CEP128: variants seen among roughly 807,000 people sequenced by gnomAD.
CEP128 encodes centrosomal protein 128kDa.
Under a neutral mutation model 156.7 loss-of-function variants are expected in CEP128, and 132 were observed. The ratio of observed to expected loss-of-function variants is 0.84; its 90% CI spans 0.73 to 0.97. The LOEUF (loss-of-function observed/expected upper bound fraction) is 0.97. Ranked by LOEUF, CEP128 falls within the 50% of genes least tolerant of loss-of-function variation. CEP128 has a pLI of 0.00. For missense variants in CEP128, 1,252 were observed against 1,281.9 expected (o/e 0.98, Z 0.36); for synonymous variants, 469 against 448.9 (o/e 1.04, Z -0.57).
At chr14:80,819,006 TCTCA>T (rs1329982632) in intron 13 of CEP128, among the ~76,000 whole-genome samples, 2 of 152,134 alleles carry the variant, frequency 1.3e-5, no homozygotes, top group Non-Finnish European at 2.9e-5. Flanking sequence ...TAATTTCAAG[TCTCA>T]CTATGATTAT....
intron 15 of CEP128, among the ~76,000 whole-genome samples, chr14:80,780,328 CAATTT>C (rs1901037812): frequency 6.6e-6 from 1 of 152,038 alleles, no homozygotes; most frequent in Non-Finnish European, 1.5e-5. Context: ...GCTCTCAACT[CAATTT>C]AATTAATATA....
At chr14:80,862,674 G>T in intron 9 of CEP128, 83 bp downstream of exon 9, 1 of 893,820 alleles carries the variant, frequency 1.1e-6, no homozygotes. Flanking sequence ...GAATTATACT[G>T]TCACATGCAA....
At position 80,831,206 on chromosome 14, in the gene CEP128, C is replaced by T. The variant is rs1885774821; in HGVS notation, c.1146G>A (p.Glu382=). 1.9e-6 allele frequency: 3 copies of T among 1,613,908 alleles called. No homozygotes were observed. The highest frequency in any genetic ancestry group is 2.2e-5 in the East Asian group (1 of 44,878). The change falls in exon 13 of 25, where the codon GAG becomes GAA. Residue 382 remains glutamate, a synonymous_variant. Coordinates refer to ENST00000555265, the MANE Select transcript of CEP128 (RefSeq NM_152446.5). ...LNFSAMASEL[E]EVKRCMERKD... ...TTCTCTCCATGCACCGTTTCACTTC[C>T]TCTAACTCAGATGCCATTGCGCTGA... is the stretch of plus-strand genomic sequence containing the variant.
chr14:80,812,936 T>C (rs1286487112), intron 13 of CEP128, among the ~76,000 whole-genome samples: 1 of 152,188 alleles, frequency 6.6e-6, no homozygotes, highest in Non-Finnish European at 1.5e-5. Context: ...TGGTATCTCC[T>C]TGTGTGTTTG....
rs576716147 is a variant in CEP128 at position 80,681,135 on chromosome 14, T to C, written c.2806+61940A>G. On this transcript the variant is annotated intron_variant, in intron 19 of 24. Coordinates refer to ENST00000555265, the MANE Select transcript of CEP128 (RefSeq NM_152446.5). ...CTGCCAAAAGAAGTACACGGTACTA[T>C]AAAAGCAAAGCCAAGAGACCCTACC... Among the ~76,000 whole-genome samples, 27 of 151,836 alleles carry C rather than the reference T, an allele frequency of 1.8e-4. No homozygotes were observed. In the South Asian group the frequency reaches 5.6e-3, roughly 32 times the overall value.
At chr14:80,806,643 G>A (rs1595431755) in intron 13 of CEP128, among the ~76,000 whole-genome samples, 1 of 152,114 alleles carries the variant, frequency 6.6e-6, no homozygotes, top group Non-Finnish European at 1.5e-5. Flanking sequence ...AAGTAGATTG[G>A]TATTTGAGAC....
chr14:80,799,861 T>A (rs1298368667), intron 13 of CEP128, among the ~76,000 whole-genome samples: 1 of 152,192 alleles, frequency 6.6e-6, no homozygotes, highest in Non-Finnish European at 1.5e-5. Context: ...AGTGCACCGC[T>A]GAACATAGAC....
At chr14:80,591,264 T>C (rs545005826) in intron 19 of CEP128, among the ~76,000 whole-genome samples, 1 of 151,424 alleles carries the variant, frequency 6.6e-6, no homozygotes, top group South Asian at 2.1e-4. Flanking sequence ...AGGAGACCCA[T>C]CTCACGTACA....
At chr14:80,651,039 AC>A (rs1357295597) in intron 19 of CEP128, among the ~76,000 whole-genome samples, 2 of 152,018 alleles carry the variant, frequency 1.3e-5, no homozygotes, top group Non-Finnish European at 2.9e-5. Context: ...CTGTGAATCC[AC>A]CTGGTCCTGG....
At position 80,721,453 on chromosome 14, in the gene CEP128, C is replaced by T. The variant is rs553522680; in HGVS notation, c.2806+21622G>A. Among the ~76,000 whole-genome samples, 6 of 152,088 alleles carry T rather than the reference C, an allele frequency of 3.9e-5. No homozygotes were observed. In the South Asian group the frequency reaches 1.0e-3, roughly 26 times the overall value. ...TGTGCTCTAAGGGTAAAATACATGC[C>T]GGATTTTGGCATCTCAGTTGAAAAA... On this transcript the variant is annotated intron_variant, in intron 19 of 24. Coordinates refer to ENST00000555265, the MANE Select transcript of CEP128 (RefSeq NM_152446.5).
intron 19 of CEP128, among the ~76,000 whole-genome samples, chr14:80,622,993 T>G (rs1343978408): frequency 1.3e-5 from 2 of 152,088 alleles, no homozygotes; most frequent in African/African-American, 4.8e-5. Flanking sequence ...CATGCTGCTA[T>G]AAAGACACAT....
At chr14:80,564,856 TGAGAC>T (rs1890844464) in intron 20 of CEP128, among the ~76,000 whole-genome samples, 1 of 152,058 alleles carries the variant, frequency 6.6e-6, no homozygotes, top group Non-Finnish European at 1.5e-5. Context: ...ATCAGGAGTC[TGAGAC>T]GAGCCTGGCT....
intron 19 of CEP128, among the ~76,000 whole-genome samples, chr14:80,730,513 G>A (rs1898225861): frequency 6.6e-6 from 1 of 152,190 alleles, no homozygotes; most frequent in Admixed American, 6.5e-5. Context: ...CAGGGAAAAG[G>A]AGGAAGAAAC....
At chr14:80,880,717 G>A (rs1208342451) in intron 8 of CEP128, among the ~76,000 whole-genome samples, 1 of 150,022 alleles carries the variant, frequency 6.7e-6, no homozygotes, top group Non-Finnish European at 1.5e-5. Context: ...CAAAAAATTA[G>A]CCGGGCATGG....
intron 15 of CEP128, among the ~76,000 whole-genome samples, chr14:80,780,409 ATTGT>A (rs1686133349): frequency 6.6e-6 from 1 of 152,124 alleles, no homozygotes; most frequent in South Asian, 2.1e-4. Flanking sequence ...TTAAGGGTAA[ATTGT>A]TTGGTTTCAC....
At chr14:80,600,131 G>GTA (rs910127325) in intron 19 of CEP128, among the ~76,000 whole-genome samples, 1 of 152,082 alleles carries the variant, frequency 6.6e-6, no homozygotes, top group Non-Finnish European at 1.5e-5. Context: ...ACACCTTGAA[G>GTA]TATACCAACA....
intron 24 of CEP128, among the ~76,000 whole-genome samples, chr14:80,499,288 C>T (rs1887631103): frequency 6.6e-6 from 1 of 152,160 alleles, no homozygotes; most frequent in South Asian, 2.1e-4. Context: ...GCTATTCTTG[C>T]TGTGGATAAA....
chr14:80,735,182 T>A (rs1050601125), intron 19 of CEP128, among the ~76,000 whole-genome samples: 1 of 152,098 alleles, frequency 6.6e-6, no homozygotes, highest in Non-Finnish European at 1.5e-5. Context: ...TTTAACACTA[T>A]AGTACAAGTC....
chr14:80,759,318 G>A (rs1899836787), intron 17 of CEP128, among the ~76,000 whole-genome samples: 1 of 152,076 alleles, frequency 6.6e-6, no homozygotes. Flanking sequence ...CCATAGCACT[G>A]TTACTCTTTA....
Sources: allele counts gnomAD v4.1 joint callset (sites outside exome capture counted in the v4.1 genomes callset), GRCh38; gene constraint gnomAD v4.1.1; transcripts MANE v1.5; gene names NCBI Gene and HGNC (gene_info 2026-07-23, HGNC 2026-07-21).